FUBP1: variants seen among roughly 807,000 people sequenced by gnomAD.
FUBP1 encodes the protein far upstream element-binding protein 1.
A neutral mutation model predicts 94.9 loss-of-function variants in FUBP1; 16 were observed. The observed-to-expected ratio is 0.17, with a 90% CI of 0.11 to 0.26. The LOEUF is 0.26. Ranked by LOEUF, FUBP1 falls within the 10% of genes least tolerant of loss-of-function variation. The probability of loss-of-function intolerance (pLI) is 1.00; values close to 1 mark genes in which losing one functional copy is unlikely to be tolerated. For synonymous variants in FUBP1, 279 were observed against 254.9 expected (o/e 1.09, Z -0.90); for missense variants, 583 against 808.6 (o/e 0.72, Z 3.38).
intron 2 of FUBP1, chr1:77,969,066 G>A (rs904016696): frequency 5.8e-5 from 74 of 1,277,266 alleles, no homozygotes; most frequent in Non-Finnish European, 7.5e-5. Context: ...TGTACTGCTC[G>A]GACTTGTCCA....
chr1:77,966,877 A>C lies in FUBP1; in HGVS notation c.415+7T>G, dbSNP rs2102420615. 1 of 1,551,914 alleles carries C rather than the reference A, an allele frequency of 6.4e-7. No homozygotes were observed. Among genetic ancestry groups the C allele is most frequent in the Non-Finnish European group, 8.9e-7 (1 of 1,124,072 alleles). ...ACACTGAAAATACCATGAGAATGTA[A>C]CATTACCAGGAGCTATCTGTATTTT... is the stretch of plus-strand genomic sequence containing the variant. On this transcript the variant is annotated splice_region_variant and intron_variant, in intron 6 of 19. Coordinates refer to ENST00000370768, the MANE Select transcript of FUBP1 (RefSeq NM_003902.5).
At chr1:77,968,639 G>GC (rs1450136519) in intron 2 of FUBP1, among the ~76,000 whole-genome samples, 2 of 143,998 alleles carry the variant, frequency 1.4e-5, no homozygotes, top group African/African-American at 5.1e-5. Context: ...ACAAAGCTAT[G>GC]CCCAAAAAAA....
intron 7 of FUBP1, among the ~76,000 whole-genome samples, chr1:77,965,814 C>T (rs973849697): frequency 1.3e-5 from 2 of 152,106 alleles, no homozygotes; most frequent in African/African-American, 4.8e-5. Flanking sequence ...TTTGGGAGGC[C>T]GAGGTGGGTG....
Position 77,945,157 on chromosome 1 carries a change from A to C in FUBP1, c.*3609T>G, listed in dbSNP as rs563757450. On this transcript the variant is annotated 3_prime_UTR_variant, in exon 20 of 20. Transcript: ENST00000370768. ...TATGGTAATGAATAAAAGAATTCTC[A>C]TGAGACAGAAACAATGCCCCAATAT... 1.3e-5 allele frequency among the ~76,000 whole-genome samples: 2 copies of C among 151,990 alleles called. No individual in the cohort carries two copies. The highest frequency in any genetic ancestry group is 2.9e-5 in the Non-Finnish European group (2 of 67,872).
intron 18 of FUBP1, among the ~76,000 whole-genome samples, chr1:77,952,479 C>T (rs1653663978): frequency 6.6e-6 from 1 of 151,754 alleles, no homozygotes. Context: ...GCTGTGAAAG[C>T]CTGCCTAGTT....
At chr1:77,969,423 G>A (rs1006011456) in intron 2 of FUBP1, among the ~76,000 whole-genome samples, 4 of 151,510 alleles carry the variant, frequency 2.6e-5, no homozygotes, top group Admixed American at 6.6e-5. Flanking sequence ...AAAGCTAAAC[G>A]TGAAACACAA....
intron 16 of FUBP1, among the ~76,000 whole-genome samples, chr1:77,958,703 A>T (rs1654920724): frequency 6.6e-6 from 1 of 152,118 alleles, no homozygotes. Context: ...TACAAAGACC[A>T]CTTCCACTTC....
intron 1 of FUBP1, among the ~76,000 whole-genome samples, chr1:77,972,525 G>A (rs1030618939): frequency 4.6e-5 from 7 of 151,386 alleles, no homozygotes; most frequent in African/African-American, 1.7e-4. Context: ...CAGGGCGGGG[G>A]GGATCATGAG....
chr1:77,976,893 T>A (rs949928219), intron 1 of FUBP1, among the ~76,000 whole-genome samples: 8 of 152,138 alleles, frequency 5.3e-5, no homozygotes, highest in Middle Eastern at 3.2e-3. Flanking sequence ...CCCACCCCCA[T>A]CTTCTAGCGA....
At chr1:77,962,958 A>G (rs1655779182) in intron 13 of FUBP1, 28 bp from the exon 14 acceptor site, 2 of 1,576,512 alleles carry the variant, frequency 1.3e-6, no homozygotes, top group Non-Finnish European at 1.7e-6. Context: ...TAATTTCTCT[A>G]AAGGTTTCAA....
intron 14 of FUBP1, 87 bp from the exon 15 acceptor site, chr1:77,960,582 CCT>C: frequency 9.2e-7 from 1 of 1,088,160 alleles, no homozygotes; most frequent in Non-Finnish European, 1.3e-6. Context: ...CCATTTCTAC[CCT>C]CTTATAGTCA....
At position 77,960,275 on chromosome 1, in the gene FUBP1, A is replaced by C. The variant is rs780373157; in HGVS notation, c.1497-12T>G. 6.8e-6 allele frequency: 11 copies of C among 1,612,802 alleles called. No homozygotes were observed. The highest frequency in any genetic ancestry group is 1.3e-5 in the African/African-American group (1 of 74,800). ...GGGCTGGAGGACCACTGAAAAGAAA[A>C]ATCAGCATAAAAAACAGTCCCAAAA... On this transcript the variant is annotated splice_polypyrimidine_tract_variant and intron_variant, in intron 15 of 19. Coordinates refer to ENST00000370768, the MANE Select transcript of FUBP1 (RefSeq NM_003902.5).
intron 3 of FUBP1, among the ~76,000 whole-genome samples, 195 bp from the exon 4 acceptor site, chr1:77,967,861 T>G (rs1442546605): frequency 6.6e-6 from 1 of 152,134 alleles, no homozygotes; most frequent in Non-Finnish European, 1.5e-5. Context: ...AGGGAAGACA[T>G]TATATTAGCA....
chr1:77,975,810 C>G (rs12120095), intron 1 of FUBP1, among the ~76,000 whole-genome samples: 1 of 152,038 alleles, frequency 6.6e-6, no homozygotes, highest in Non-Finnish European at 1.5e-5. Context: ...AAGCAGCAAT[C>G]TGGTGTCCCT....
chr1:77,958,993 C>T (rs1293160566), intron 16 of FUBP1, among the ~76,000 whole-genome samples: 1 of 152,144 alleles, frequency 6.6e-6, no homozygotes, highest in Non-Finnish European at 1.5e-5. Flanking sequence ...AGAACACAAC[C>T]CCAACTTTGC....
intron 16 of FUBP1, among the ~76,000 whole-genome samples, chr1:77,958,619 T>G (rs1260165383): frequency 6.6e-6 from 1 of 152,268 alleles, no homozygotes; most frequent in Non-Finnish European, 1.5e-5. Context: ...AAGGCCATGC[T>G]GCAACCACAT....
chr1:77,949,837 A>G (rs1341550528), intron 18 of FUBP1, among the ~76,000 whole-genome samples: 2 of 152,210 alleles, frequency 1.3e-5, no homozygotes, highest in East Asian at 3.8e-4. Context: ...CTGATTAGTA[A>G]CCTATAAAGT....
At chr1:77,974,134 GTTTT>G (rs34146250) in intron 1 of FUBP1, among the ~76,000 whole-genome samples, 2 of 122,192 alleles carry the variant, frequency 1.6e-5, no homozygotes, top group African/African-American at 6.1e-5. Flanking sequence ...TAATTTTTTG[GTTTT>G]TTTTTTTTTT....
intron 7 of FUBP1, among the ~76,000 whole-genome samples, chr1:77,966,343 G>A (rs928712590): frequency 4.6e-5 from 7 of 152,156 alleles, no homozygotes; most frequent in African/African-American, 1.7e-4. Flanking sequence ...AAAAGTGAAT[G>A]GAACTAGGGA....
Sources: allele counts gnomAD v4.1 joint callset (sites outside exome capture counted in the v4.1 genomes callset), GRCh38; gene constraint gnomAD v4.1.1; transcripts MANE v1.5; gene names NCBI Gene and HGNC (gene_info 2026-07-23, HGNC 2026-07-21).